Variants in MYBPC3 observed in about 807,000 individuals in gnomAD.
MYBPC3 encodes the protein myosin-binding protein C, cardiac-type.
In MYBPC3, 108 loss-of-function variants were observed where a neutral mutation model predicts 159.3. The observed-to-expected ratio is 0.68, with a 90% CI of 0.58 to 0.80. The LOEUF is 0.80. Among genes scored for constraint, MYBPC3 ranks in the 30% least tolerant of loss-of-function variants. The pLI is 0.00. For synonymous variants in MYBPC3, 730 were observed against 702.0 expected (o/e 1.04, Z -0.63); for missense variants, 1,631 against 1,762.1 (o/e 0.93, Z 1.33).
intron 5 of MYBPC3, 92 bp from the exon 6 acceptor site, chr11:47,348,633 C>T (rs556211758): frequency 7.6e-5 from 78 of 1,020,274 alleles, no homozygotes; most frequent in South Asian, 4.8e-4. Flanking sequence ...TGGCCGGGCG[C>T]GGTGGCTCAG....
Position 47,351,186 on chromosome 11 carries a change from G to A in MYBPC3, c.292+53C>T, listed in dbSNP as rs1476697293. 12 of 1,446,410 alleles carry A rather than the reference G, an allele frequency of 8.3e-6. No individual in the cohort carries two copies. The highest frequency in any genetic ancestry group is 1.1e-5 in the Non-Finnish European group (12 of 1,087,050). The allele number at this position is 1,446,410 out of a possible 1,614,324, so 89.6% of individuals were successfully genotyped here. ...CCCTGGATGGATGGAGAGTCGCTGG[G>A]CTGCCCCTCCCCCAGCAGCCCAAAC... On this transcript the variant is annotated intron_variant, in intron 2 of 34. Coordinates refer to ENST00000545968, the MANE Select transcript of MYBPC3 (RefSeq NM_000256.3). This position sits in a 1 kb window ranked among gnomAD's most constrained non-coding sequence, Gnocchi z 4.2.
intron 18 of MYBPC3, among the ~76,000 whole-genome samples, 168 bp downstream of exon 18, chr11:47,341,819 GGTCT>G (rs1256461546): frequency 2.0e-5 from 3 of 151,436 alleles, no homozygotes; most frequent in Admixed American, 6.6e-5. Flanking sequence ...TGTCTTTTTG[GGTCT>G]GTCTGTTTCT....
Position 47,335,095 on chromosome 11 carries a change from C to T in MYBPC3, c.2852G>A (p.Gly951Glu). The T allele has an allele frequency of 6.2e-7, 1 of 1,604,970 alleles. No homozygotes were observed. The highest frequency in any genetic ancestry group is 8.5e-7 in the Non-Finnish European group (1 of 1,175,048). Reference protein sequence around the residue: ...LFRVRAHNMAGPGAPVTTTEP... With the variant: ...LFRVRAHNMAEPGAPVTTTEP... Reference sequence around the variant, plus strand: ...CGTGGTGGTAACAGGGGCTCCAGGCCCTGCCATATTGTGTGCCCGCACTCG... The same window carrying T: ...CGTGGTGGTAACAGGGGCTCCAGGCTCTGCCATATTGTGTGCCCGCACTCG... Residue 951 changes from glycine to glutamate, a missense_variant, in exon 27 of 35, where the codon GGG (glycine) becomes GAG (glutamate). Transcript: ENST00000545968.
At position 47,338,683 on chromosome 11, in the gene MYBPC3, G is replaced by C. The variant is rs1324005699; in HGVS notation, c.2149-4C>G. On this transcript the variant is annotated splice_region_variant and splice_polypyrimidine_tract_variant and intron_variant, in intron 22 of 34. Coordinates refer to ENST00000545968, the MANE Select transcript of MYBPC3 (RefSeq NM_000256.3). The surrounding 1 kb of genome is among the most constrained non-coding windows in gnomAD (Gnocchi z 4.7). Reference sequence around the variant, plus strand: ...GGCCCTCGGTCTCACACAGCAGCTGGGGGGGTGCAGAGTTGGGGTGAGATC... The same window carrying C: ...GGCCCTCGGTCTCACACAGCAGCTGCGGGGGTGCAGAGTTGGGGTGAGATC... 14 of 1,607,416 alleles carry C rather than the reference G, an allele frequency of 8.7e-6. No individual in the cohort carries two copies. In the East Asian group the frequency reaches 2.7e-4, roughly 31 times the overall value.
Position 47,331,630 on chromosome 11 carries a change from C to A in MYBPC3, c.*113G>T, listed in dbSNP as rs117960173. On this transcript the variant is annotated 3_prime_UTR_variant, in exon 35 of 35. Coordinates refer to ENST00000545968, the MANE Select transcript of MYBPC3 (RefSeq NM_000256.3). ...ATCCCCCATCGCAGCACAGGAGACA[C>A]ACTTGTCACACATACATCCAACAGT... The A allele has an allele frequency of 4.1e-4, 234 of 566,616 alleles. No homozygotes were observed. The East Asian group carries it at 6.2e-3, about 15-fold the overall frequency. 35.1% of individuals were successfully genotyped at this position (566,616 alleles called of 1,614,324 possible).
intron 12 of MYBPC3, among the ~76,000 whole-genome samples, chr11:47,345,010 G>A (rs972958718): frequency 6.6e-6 from 1 of 152,174 alleles, no homozygotes; most frequent in Non-Finnish European, 1.5e-5. Flanking sequence ...GGCTGGTCTT[G>A]AACGCCTAAC....
At chr11:47,333,134 C>T (rs547144270) in intron 30 of MYBPC3, 60 bp downstream of exon 30, 24 of 1,555,996 alleles carry the variant, frequency 1.5e-5, no homozygotes, top group African/African-American at 2.7e-5. Flanking sequence ...AGGGTAGCTG[C>T]GGCCTGGGTC....
chr11:47,348,908 T>TTATATATATATATATATA (rs58411933), intron 5 of MYBPC3, among the ~76,000 whole-genome samples: 6,492 of 39,754 alleles, frequency 0.16, 1,494 homozygotes, highest in African/African-American at 0.19. Flanking sequence ...CTGTCTCAAA[T>TTATATATATATATATATA]TATATATATA....
intron 12 of MYBPC3, among the ~76,000 whole-genome samples, chr11:47,345,618 C>T (rs956195408): frequency 2.6e-5 from 4 of 152,244 alleles, no homozygotes; most frequent in South Asian, 2.1e-4. Flanking sequence ...GGCTCACACC[C>T]GCCCTTGTCA....
Position 47,332,470 on chromosome 11 carries a change from A to G in MYBPC3, c.3627+96T>C. 2 of 1,525,488 alleles carry G rather than the reference A, an allele frequency of 1.3e-6. No individual in the cohort carries two copies. The highest frequency in any genetic ancestry group is 1.3e-5 in the South Asian group (1 of 79,020). The allele number at this position is 1,525,488 out of a possible 1,614,324, so 94.5% of individuals were successfully genotyped here. On this transcript the variant is annotated intron_variant, in intron 32 of 34. Coordinates refer to ENST00000545968, the MANE Select transcript of MYBPC3 (RefSeq NM_000256.3). This position sits in a 1 kb window ranked among gnomAD's most constrained non-coding sequence, Gnocchi z 4.2. ...GTCCATACACCCCAAGGTGGAGAGA[A>G]AGCAGGGGAGACAGGCTGGGGAGAG...
At position 47,343,109 on chromosome 11, in the gene MYBPC3, C is replaced by CA; in HGVS notation, c.1262dup (p.Thr422AspfsTer23). The CA allele has an allele frequency of 6.2e-7, 1 of 1,612,028 alleles. No individual in the cohort carries two copies. Among genetic ancestry groups the CA allele is most frequent in the South Asian group, 1.1e-5 (1 of 90,616 alleles). Reference sequence around the variant, plus strand: ...CCGCCAATGAGCACTGGCTGATGGTCAGGGTACGCTTGGCACCGATGGACT... The same window carrying CA: ...CCGCCAATGAGCACTGGCTGATGGTCAAGGGTACGCTTGGCACCGATGGACT... On this transcript the variant is annotated frameshift_variant, in exon 15 of 35. Coordinates refer to ENST00000545968, the MANE Select transcript of MYBPC3 (RefSeq NM_000256.3). LOFTEE classifies it high-confidence loss of function.
chr11:47,342,621 C>T lies in MYBPC3; in HGVS notation c.1581G>A (p.Leu527=). The T allele has an allele frequency of 6.2e-7, 1 of 1,613,690 alleles. No homozygotes were observed. Among genetic ancestry groups the T allele is most frequent in the South Asian group, 1.1e-5 (1 of 91,062 alleles). ...CCAGCGCCTGGCCCCCGCTAGTGCA[C>T]AGTGCATAGTGCCCCGCGTCCTCCA... The part of the protein sequence containing the change: ...AMLEDAGHYA[L]CTSGGQALAE... Residue 527 remains leucine (L), a synonymous_variant, in exon 17 of 35, where the codon CTG becomes CTA. Coordinates refer to ENST00000545968, the MANE Select transcript of MYBPC3 (RefSeq NM_000256.3).
At chr11:47,343,677 C>T in intron 12 of MYBPC3, 53 bp from the exon 13 acceptor site, 3 of 1,531,652 alleles carry the variant, frequency 2.0e-6, no homozygotes, top group South Asian at 1.3e-5. Flanking sequence ...CCTGCTCCCC[C>T]AGGCCAAGCT....
chr11:47,335,808 G>A, intron 26 of MYBPC3, 69 bp downstream of exon 26: 3 of 1,294,374 alleles, frequency 2.3e-6, no homozygotes, highest in Non-Finnish European at 3.0e-6. Context: ...GACTACAGGT[G>A]AATCTGCTCA....
chr11:47,337,736 T>C lies in MYBPC3; in HGVS notation c.2367A>G (p.Thr789=). 2 of 1,561,506 alleles carry C rather than the reference T, an allele frequency of 1.3e-6. No individual in the cohort carries two copies. The highest frequency in any genetic ancestry group is 1.7e-6 in the Non-Finnish European group (2 of 1,152,826). The stretch of plus-strand genomic sequence containing the variant: ...CGTAGGCAGGCGGCTCCCACTGTAC[T>C]GTGCAGGAGTCCTCTCCCACGTTGC... The part of the protein sequence containing the change: ...KISNVGEDSC[T]VQWEPPAYDG... Residue 789 remains threonine (T), a synonymous_variant, in exon 24 of 35, where the codon ACA becomes ACG. Transcript: ENST00000545968.
rs2095888020 is a variant in MYBPC3, at chr11:47,341,131, G to A, written c.1897+7C>T. 1 of 1,586,368 alleles carries A rather than the reference G, an allele frequency of 6.3e-7. No homozygotes were observed. The highest frequency in any genetic ancestry group is 1.8e-5 in the Admixed American group (1 of 56,498). On this transcript the variant is annotated splice_region_variant and intron_variant, in intron 19 of 34. Transcript: ENST00000545968. ...CCCCGACCCACCCTACCCTGGAGCA[G>A]GCTCACCCATGAAGTGGAGCTTGGC... is the stretch of plus-strand genomic sequence containing the variant.
At chr11:47,340,229 A>G (rs1453689222) in intron 20 of MYBPC3, among the ~76,000 whole-genome samples, 4 of 138,452 alleles carry the variant, frequency 2.9e-5, no homozygotes, top group Admixed American at 7.2e-5. Flanking sequence ...ACATACACGC[A>G]CACACACAGA....
chr11:47,344,163 C>G (rs936335602), intron 12 of MYBPC3, among the ~76,000 whole-genome samples: 1 of 152,232 alleles, frequency 6.6e-6, no homozygotes, highest in African/African-American at 2.4e-5. Context: ...TTGGGGTCCT[C>G]TCCACCTGCT....
Position 47,332,743 on chromosome 11 carries a change from G to A in MYBPC3, c.3491-41C>T. The A allele has an allele frequency of 1.3e-6, 2 of 1,587,462 alleles. No individual in the cohort carries two copies. The highest frequency in any genetic ancestry group is 2.3e-5 in the South Asian group (2 of 88,062). Reference sequence around the variant, plus strand: ...CTTGGTACCGAGAGGGCCACACAAAGCTAGGCCCCTCTCCCTGTTCCCACA... The same window carrying A: ...CTTGGTACCGAGAGGGCCACACAAAACTAGGCCCCTCTCCCTGTTCCCACA... On this transcript the variant is annotated intron_variant, in intron 31 of 34. Coordinates refer to ENST00000545968, the MANE Select transcript of MYBPC3 (RefSeq NM_000256.3). This position sits in a 1 kb window ranked among gnomAD's most constrained non-coding sequence, Gnocchi z 4.2.
Sources: allele counts gnomAD v4.1 joint callset (sites outside exome capture counted in the v4.1 genomes callset), GRCh38; gene constraint gnomAD v4.1.1; non-coding constraint Gnocchi (gnomAD v3.1); transcripts MANE v1.5; gene names NCBI Gene and HGNC (gene_info 2026-07-23, HGNC 2026-07-21).